PDE3A: variants seen among roughly 807,000 people sequenced by gnomAD.
PDE3A encodes the protein cGMP-inhibited 3',5'-cyclic phosphodiesterase 3A.
PDE3A carries 43 observed loss-of-function variants against 98.3 expected under a neutral mutation model. The observed-to-expected ratio is 0.44, with a 90% confidence interval of 0.34 to 0.56. The LOEUF (loss-of-function observed/expected upper bound fraction) is 0.56. PDE3A is among the 20% of genes least tolerant of loss of function. The probability of loss-of-function intolerance (pLI) is 0.01; values close to 1 mark genes in which losing one functional copy is unlikely to be tolerated. For synonymous variants in PDE3A, 663 were observed against 567.9 expected (o/e 1.17, Z -2.38); for missense variants, 1,427 against 1,440.7 (o/e 0.99, Z 0.15).
intron 10 of PDE3A, among the ~76,000 whole-genome samples, 194 bp from the exon 11 acceptor site, chr12:20,646,296 G>T (rs1235352610): frequency 6.6e-6 from 1 of 152,092 alleles, no homozygotes; most frequent in East Asian, 1.9e-4. Flanking sequence ...TACAAGTAAG[G>T]TTTTTTTCTT....
intron 1 of PDE3A, among the ~76,000 whole-genome samples, chr12:20,524,436 A>G (rs879484308): frequency 6.6e-6 from 1 of 152,168 alleles, no homozygotes; most frequent in Admixed American, 6.5e-5. Flanking sequence ...AAATTTTGCC[A>G]AGATCATGGT....
intron 12 of PDE3A, among the ~76,000 whole-genome samples, chr12:20,648,412 T>C (rs1012691455): frequency 2.0e-5 from 3 of 151,850 alleles, no homozygotes; most frequent in Non-Finnish European, 2.9e-5. Context: ...GAAAAAATCT[T>C]TTAAAAAATA....
At chr12:20,422,343 C>CA (rs796857641) in intron 1 of PDE3A, among the ~76,000 whole-genome samples, 2,493 of 136,634 alleles carry the variant, frequency 0.018, 60 homozygotes, top group African/African-American at 0.059. Context: ...GACTCTGTCT[C>CA]AAAAAAAAAA....
In PDE3A at chr12:20,443,265, C is replaced by G. The variant is rs1944899726; in HGVS notation, c.960+73021C>G. On this transcript the variant is annotated intron_variant, in intron 1 of 15. Transcript: ENST00000359062. Reference sequence around the variant, plus strand: ...AAATGTTTAGTGAGAGGAAATCTTACTCTGTCCTATCTATGGATATTGATA... The same window carrying G: ...AAATGTTTAGTGAGAGGAAATCTTAGTCTGTCCTATCTATGGATATTGATA... Among the ~76,000 whole-genome samples the G allele has an allele frequency of 3.3e-5, 5 of 152,106 alleles. 1 individual carries two copies. The highest frequency in any genetic ancestry group is 2.0e-4 in the Admixed American group (3 of 15,268).
chr12:20,656,805 A>G (rs1437893609), intron 15 of PDE3A, among the ~76,000 whole-genome samples: 4 of 152,212 alleles, frequency 2.6e-5, no homozygotes, highest in Admixed American at 6.5e-5. Flanking sequence ...CATGGAAAAT[A>G]CAGACGCACA....
intron 1 of PDE3A, among the ~76,000 whole-genome samples, chr12:20,478,790 C>T (rs1945572868): frequency 6.6e-6 from 1 of 152,124 alleles, no homozygotes; most frequent in African/African-American, 2.4e-5. Context: ...TGTATTTCAA[C>T]ATTATTAATT....
chr12:20,424,772 T>G (rs1026243749), intron 1 of PDE3A, among the ~76,000 whole-genome samples: 1 of 152,192 alleles, frequency 6.6e-6, no homozygotes, highest in Non-Finnish European at 1.5e-5. Flanking sequence ...TAACAGTGAT[T>G]ATAATATTGA....
At chr12:20,468,544 C>T (rs1185723804) in intron 1 of PDE3A, among the ~76,000 whole-genome samples, 1 of 152,136 alleles carries the variant, frequency 6.6e-6, no homozygotes, top group Non-Finnish European at 1.5e-5. Context: ...AGAGATGATT[C>T]AAATTACACT....
chr12:20,574,204 G>A (rs981405504), intron 2 of PDE3A, among the ~76,000 whole-genome samples: 5 of 152,054 alleles, frequency 3.3e-5, no homozygotes, highest in African/African-American at 1.2e-4. Context: ...AGGTCCATGG[G>A]GGTAAAATTA....
chr12:20,460,271 C>T (rs1214611216), intron 1 of PDE3A, among the ~76,000 whole-genome samples: 2 of 152,148 alleles, frequency 1.3e-5, no homozygotes, highest in South Asian at 2.1e-4. Flanking sequence ...GAGTTGATGG[C>T]CAATAAAGAG....
chr12:20,635,737 A>C (rs1439169748), intron 8 of PDE3A, among the ~76,000 whole-genome samples: 1 of 143,160 alleles, frequency 7.0e-6, no homozygotes, highest in African/African-American at 2.6e-5. Flanking sequence ...TGGGCAACAG[A>C]GTGCCACTCT....
At chr12:20,636,459 C>A (rs1944516500) in intron 8 of PDE3A, among the ~76,000 whole-genome samples, 1 of 152,086 alleles carries the variant, frequency 6.6e-6, no homozygotes. Context: ...TAAGAACATC[C>A]TCGTTTGGGA....
At chr12:20,486,277 C>T (rs1283981666) in intron 1 of PDE3A, among the ~76,000 whole-genome samples, 1 of 152,148 alleles carries the variant, frequency 6.6e-6, no homozygotes, top group African/African-American at 2.4e-5. Flanking sequence ...AATGCACCTT[C>T]TTCGCAAGGT....
chr12:20,384,285 C>A (rs1591866500), intron 1 of PDE3A, among the ~76,000 whole-genome samples: 1 of 150,718 alleles, frequency 6.6e-6, no homozygotes, highest in African/African-American at 2.4e-5. Context: ...AATCTGCTTA[C>A]ATGGAAATAA....
chr12:20,616,119 T>G, intron 3 of PDE3A, 111 bp from the exon 4 acceptor site: 1 of 943,312 alleles, frequency 1.1e-6, no homozygotes, highest in Non-Finnish European at 1.5e-6. Flanking sequence ...ATTAAACCAA[T>G]GTAATTTAGT....
At chr12:20,667,712 T>C (rs1166095941) in intron 15 of PDE3A, among the ~76,000 whole-genome samples, 1 of 152,238 alleles carries the variant, frequency 6.6e-6, no homozygotes, top group Non-Finnish European at 1.5e-5. Context: ...GGTGCCTCCA[T>C]CTTTGTTCTT....
intron 5 of PDE3A, among the ~76,000 whole-genome samples, chr12:20,628,023 C>T (rs113641434): frequency 0.016 from 2,509 of 152,146 alleles, 81 homozygotes; most frequent in African/African-American, 0.058. Flanking sequence ...TTGTGAATAT[C>T]GTAGCATTAG....
chr12:20,383,188 C>T (rs1000829181), intron 1 of PDE3A, among the ~76,000 whole-genome samples: 2 of 151,088 alleles, frequency 1.3e-5, no homozygotes, highest in South Asian at 4.2e-4. Flanking sequence ...TGTCCTATAA[C>T]CCCACGTACA....
chr12:20,520,458 A>G (rs568928837), intron 1 of PDE3A, among the ~76,000 whole-genome samples: 7 of 152,320 alleles, frequency 4.6e-5, no homozygotes, highest in Middle Eastern at 6.8e-3. Flanking sequence ...CGTGCTGGCT[A>G]TCAACCAACA....
Sources: allele counts gnomAD v4.1 joint callset (sites outside exome capture counted in the v4.1 genomes callset), GRCh38; gene constraint gnomAD v4.1.1; transcripts MANE v1.5; gene names NCBI Gene and HGNC (gene_info 2026-07-23, HGNC 2026-07-21).